Variants in ZFP62 observed in about 807,000 individuals in gnomAD.
The protein encoded by ZFP62 is ZFP62 zinc finger protein, also known as zinc finger protein 62 homolog.
ZFP62 carries 44 observed loss-of-function variants against 56.4 expected under a neutral mutation model. The observed-to-expected ratio is 0.78, with a 90% CI of 0.61 to 1.00. ZFP62 has a LOEUF of 1.00. Among genes scored for constraint, ZFP62 ranks in the 50% least tolerant of loss-of-function variants. The pLI is 0.00. For synonymous variants in ZFP62, 421 were observed against 388.9 expected (o/e 1.08, Z -0.97); for missense variants, 1,030 against 1,085.7 (o/e 0.95, Z 0.72).
At chr5:180,832,300 G>A in the ZFP62 span, among the ~76,000 whole-genome samples, 1 of 152,150 alleles carries the variant, frequency 6.6e-6, no homozygotes, top group Non-Finnish European at 1.5e-5. Context: ...CTACAGGGGT[G>A]CACCAGCATG....
At chr5:180,840,001 C>G in the ZFP62 span, among the ~76,000 whole-genome samples, 5 of 152,100 alleles carry the variant, frequency 3.3e-5, no homozygotes, top group South Asian at 8.3e-4. Flanking sequence ...TTTCCACCAG[C>G]CCCCAGCCCA....
At chr5:180,845,941 T>C, downstream of ZFP62, 8 of 749,712 alleles carry the variant, frequency 1.1e-5, no homozygotes, top group Non-Finnish European at 1.3e-5. Flanking sequence ...AGACATGCAC[T>C]CCTATGGAAG....
In ZFP62 at chr5:180,849,257, C is replaced by A; in HGVS notation, c.2238G>T (p.Gln746His). ...TCTCCCCTGTGTGGATCCTCTTGTGCTGAGAAAGGAGAGAGCTGTAACTGA... is the reference window on the plus strand; with the variant it reads ...TCTCCCCTGTGTGGATCCTCTTGTGATGAGAAAGGAGAGAGCTGTAACTGA... ...KSFSYSSLLS[Q>H]HKRIHTGEKP... Residue 746 changes from glutamine (Q) to histidine (H), a missense_variant, in exon 2 of 2, where the codon CAG (glutamine) becomes CAT (histidine). Coordinates refer to ENST00000502412, the MANE Select transcript of ZFP62 (RefSeq NM_001172638.2). The A allele has an allele frequency of 6.4e-7, 1 of 1,555,722 alleles. No homozygotes were observed. Among genetic ancestry groups the A allele is most frequent in the Non-Finnish European group, 8.7e-7 (1 of 1,149,410 alleles).
chr5:180,848,399 T>C lies in ZFP62; in HGVS notation c.*393A>G. 4 of 996,916 alleles carry C rather than the reference T, an allele frequency of 4.0e-6. No individual in the cohort carries two copies. The highest frequency in any genetic ancestry group is 4.8e-6 in the Non-Finnish European group (4 of 837,314). The allele number at this position is 996,916 out of a possible 1,614,324, so 61.8% of individuals were successfully genotyped here. ...AATGTGTAATTGGGATTCAAAGCTA[T>C]ACCTGAATTTCCTACATTTCTAGTA... On this transcript the variant is annotated 3_prime_UTR_variant, in exon 2 of 2. Coordinates refer to ENST00000502412, the MANE Select transcript of ZFP62 (RefSeq NM_001172638.2).
chr5:180,856,064 C>T (rs1225932413), intron 1 of ZFP62, among the ~76,000 whole-genome samples: 1 of 152,224 alleles, frequency 6.6e-6, no homozygotes, highest in Non-Finnish European at 1.5e-5. Flanking sequence ...TTCTTCCTGT[C>T]CTCTGGGATT....
At chr5:180,827,081 T>G in the ZFP62 span, among the ~76,000 whole-genome samples, 1 of 152,232 alleles carries the variant, frequency 6.6e-6, no homozygotes. Context: ...GTTAGGCCAC[T>G]GTCTAAGCCA....
the ZFP62 span, among the ~76,000 whole-genome samples, chr5:180,837,766 C>G: frequency 6.6e-6 from 1 of 152,138 alleles, no homozygotes; most frequent in Non-Finnish European, 1.5e-5. Context: ...TAACTGAAAA[C>G]CAGCATCCAG....
chr5:180,861,091 G>C (rs1419767999), intron 1 of ZFP62, 128 bp downstream of exon 1: 4 of 397,574 alleles, frequency 1.0e-5, no homozygotes, highest in African/African-American at 8.2e-5. Flanking sequence ...GACATGTGCG[G>C]GGAGGGGGCA....
Position 180,849,853 on chromosome 5 carries a change from G to A in ZFP62, c.1642C>T (p.Leu548Phe). 1 of 1,551,734 alleles carries A rather than the reference G, an allele frequency of 6.4e-7. No individual in the cohort carries two copies. The highest frequency in any genetic ancestry group is 1.4e-5 in the African/African-American group (1 of 73,126). The stretch of plus-strand genomic sequence containing the variant: ...GTGTGGATTCGTTTATGTACTTTAA[G>A]GCCAGAATTATTTCTGAAAGCTTTA... ...CGKAFRNNSG[L>F]KVHKRIHTGE... The change falls in exon 2 of 2, where the codon CTT (leucine) becomes TTT (phenylalanine). Residue 548 changes from leucine to phenylalanine, a missense_variant. By Grantham distance (22) the Leu-to-Phe change is conservative (BLOSUM62 0). Transcript: ENST00000502412.
chr5:180,848,937 G>A lies in ZFP62; in HGVS notation c.2558C>T (p.Ser853Leu), dbSNP rs747120287. The A allele has an allele frequency of 3.9e-6, 6 of 1,551,730 alleles. No individual in the cohort carries two copies. The highest frequency in any genetic ancestry group is 1.2e-5 in the South Asian group (1 of 84,054). The change falls in exon 2 of 2, where the codon TCA becomes TTA. Residue 853 changes from serine to leucine, a missense_variant. Coordinates refer to ENST00000502412, the MANE Select transcript of ZFP62 (RefSeq NM_001172638.2). Reference sequence around the variant, plus strand: ...GGTTCTTTTATGCTTGGTGAGATTTGATCTGATATTAAAAGCCTTACCACA... The same window carrying A: ...GGTTCTTTTATGCTTGGTGAGATTTAATCTGATATTAAAAGCCTTACCACA... ...NECGKAFNIR[S>L]NLTKHKRTHT...
chr5:180,844,298 A>G (rs1773370259), downstream of ZFP62, among the ~76,000 whole-genome samples: 1 of 152,238 alleles, frequency 6.6e-6, no homozygotes, highest in Non-Finnish European at 1.5e-5. Flanking sequence ...TGGGAAAATG[A>G]CAGAACAGGA....
chr5:180,843,013 A>G (rs1773345074), downstream of ZFP62, among the ~76,000 whole-genome samples: 1 of 151,038 alleles, frequency 6.6e-6, no homozygotes, highest in African/African-American at 2.4e-5. Context: ...ACTGCACTCC[A>G]GCCTGGGTGA....
the ZFP62 span, among the ~76,000 whole-genome samples, chr5:180,827,099 A>G: frequency 6.6e-6 from 1 of 152,182 alleles, no homozygotes; most frequent in Non-Finnish European, 1.5e-5. Context: ...CCACTATACA[A>G]AAAGACACCA....
the ZFP62 span, among the ~76,000 whole-genome samples, chr5:180,829,283 T>C: frequency 2.1e-4 from 32 of 151,552 alleles, 1 homozygote; most frequent in African/African-American, 7.1e-4. Context: ...ATGTGATCTT[T>C]GTTCTGCCTT....
the ZFP62 span, among the ~76,000 whole-genome samples, chr5:180,838,799 A>G: frequency 6.6e-6 from 1 of 151,522 alleles, no homozygotes; most frequent in Non-Finnish European, 1.5e-5. Context: ...GAAGGTGTGG[A>G]GAAACAAAGT....
At chr5:180,858,768 C>T (rs1267364970) in intron 1 of ZFP62, among the ~76,000 whole-genome samples, 1 of 152,050 alleles carries the variant, frequency 6.6e-6, no homozygotes, top group African/African-American at 2.4e-5. Context: ...AGGAATTACC[C>T]CCAAAACACA....
chr5:180,844,624 C>T (rs746621176), downstream of ZFP62, among the ~76,000 whole-genome samples: 15 of 152,210 alleles, frequency 9.9e-5, no homozygotes, highest in Non-Finnish European at 8.8e-5. Context: ...CAGCCCTCAA[C>T]CCCCAACGTG....
chr5:180,841,801 C>A, the ZFP62 span, among the ~76,000 whole-genome samples: 1 of 152,272 alleles, frequency 6.6e-6, no homozygotes, highest in East Asian at 1.9e-4. Context: ...TGCCTGTAAT[C>A]CTAGAGCTTT....
In ZFP62 at chr5:180,850,544, G is replaced by A; in HGVS notation, c.951C>T (p.Ala317=). ...KPYECDECGK[A]FITCRTLLNH... is the part of the protein sequence containing the mutation. ...TGAGAAGTGTTCTACAAGTAATGAA[G>A]GCCTTCCCACACTCATCACATTCGT... is the stretch of plus-strand genomic sequence containing the variant. The change falls in exon 2 of 2, where the codon GCC becomes GCT. Residue 317 remains alanine, a synonymous_variant. Transcript: ENST00000502412. 2 of 1,555,386 alleles carry A rather than the reference G, an allele frequency of 1.3e-6. No individual in the cohort carries two copies. The highest frequency in any genetic ancestry group is 1.7e-6 in the Non-Finnish European group (2 of 1,149,456).
Sources: allele counts gnomAD v4.1 joint callset (sites outside exome capture counted in the v4.1 genomes callset), GRCh38; gene constraint gnomAD v4.1.1; transcripts MANE v1.5; gene names NCBI Gene and HGNC (gene_info 2026-07-23, HGNC 2026-07-21).